The following LATS2 variants were observed in gnomAD, a reference collection of about 807,000 sequenced individuals.
The protein encoded by LATS2 is serine/threonine-protein kinase LATS2.
LATS2 carries 24 observed loss-of-function variants against 76.0 expected under a neutral mutation model. The ratio of observed to expected loss-of-function variants is 0.32; its 90% confidence interval spans 0.23 to 0.44. The LOEUF is 0.44. Ranked by LOEUF, LATS2 falls within the 20% of genes least tolerant of loss-of-function variation. The pLI, the probability that LATS2 is intolerant of heterozygous loss-of-function variation, is 1.00. For synonymous variants in LATS2, 692 were observed against 635.4 expected (o/e 1.09, Z -1.34); for missense variants, 1,286 against 1,481.2 (o/e 0.87, Z 2.16).
intron 2 of LATS2, among the ~76,000 whole-genome samples, chr13:21,009,601 C>A (rs2138338693): frequency 6.6e-6 from 1 of 152,278 alleles, no homozygotes; most frequent in African/African-American, 2.4e-5. Context: ...TTAGCCACAC[C>A]AAATCACTCT....
chr13:20,978,055 A>G (rs1045839298), intron 7 of LATS2, among the ~76,000 whole-genome samples: 2 of 151,978 alleles, frequency 1.3e-5, no homozygotes, highest in Non-Finnish European at 2.9e-5. Context: ...AGCTGAGACT[A>G]CAGGCGCCCG....
At chr13:20,996,388 T>C (rs1870751298) in intron 2 of LATS2, among the ~76,000 whole-genome samples, 1 of 151,680 alleles carries the variant, frequency 6.6e-6, no homozygotes, top group South Asian at 2.1e-4. Context: ...TTTTTTTTTT[T>C]TTTTTTTTGA....
In LATS2 at chr13:20,974,217, A is replaced by G. The variant is rs557813856; in HGVS notation, c.*653T>C. On this transcript the variant is annotated 3_prime_UTR_variant, in exon 8 of 8. Coordinates refer to ENST00000382592, the MANE Select transcript of LATS2 (RefSeq NM_014572.3). ...TATAATAGAAGAACTCTGCTCATGCAGTACTCTCCACACACCAGACGTCGG... is the reference window on the plus strand; with the variant it reads ...TATAATAGAAGAACTCTGCTCATGCGGTACTCTCCACACACCAGACGTCGG... 8.9e-6 allele frequency: 2 copies of G among 224,396 alleles called. No individual in the cohort carries two copies. The highest frequency in any genetic ancestry group is 2.2e-5 in the African/African-American group (1 of 44,848). 13.9% of individuals were successfully genotyped at this position (224,396 alleles called of 1,614,324 possible).
chr13:20,996,317 T>C (rs1454173476), intron 2 of LATS2, among the ~76,000 whole-genome samples: 1 of 152,092 alleles, frequency 6.6e-6, no homozygotes, highest in Non-Finnish European at 1.5e-5. Flanking sequence ...TGAGATTTCA[T>C]TCACATCTCA....
At chr13:21,034,534 GGAGT>G (rs1398245123) in intron 2 of LATS2, among the ~76,000 whole-genome samples, 1 of 152,154 alleles carries the variant, frequency 6.6e-6, no homozygotes, top group African/African-American at 2.4e-5. Flanking sequence ...ACGCCAAGAC[GGAGT>G]CACTTGCTAA....
At chr13:21,045,490 C>T (rs1433924994) in intron 2 of LATS2, among the ~76,000 whole-genome samples, 195 bp downstream of exon 2, 1 of 152,188 alleles carries the variant, frequency 6.6e-6, no homozygotes, top group Non-Finnish European at 1.5e-5. Flanking sequence ...CTCAAAAGAC[C>T]ATTTTAGAGA....
intron 2 of LATS2, among the ~76,000 whole-genome samples, chr13:20,996,888 A>G (rs142485410): frequency 4.6e-5 from 7 of 152,312 alleles, no homozygotes; most frequent in Non-Finnish European, 1.0e-4. Context: ...TAAATATTAA[A>G]TGAAAAATTA....
intron 2 of LATS2, among the ~76,000 whole-genome samples, chr13:21,040,412 GAAAT>G (rs796453925): frequency 1.7e-4 from 26 of 149,104 alleles, no homozygotes; most frequent in African/African-American, 6.7e-4. Flanking sequence ...GAAAAAGAAA[GAAAT>G]GTCTTTGCTG....
In LATS2 at chr13:20,973,638, A is replaced by T. The variant is rs1015422115; in HGVS notation, c.*1232T>A. 17 of 231,624 alleles carry T rather than the reference A, an allele frequency of 7.3e-5. No homozygotes were observed. The highest frequency in any genetic ancestry group is 1.5e-4 in the Non-Finnish European group (17 of 116,944). 14.3% of individuals were successfully genotyped at this position (231,624 alleles called of 1,614,324 possible). On this transcript the variant is annotated 3_prime_UTR_variant, in exon 8 of 8. Transcript: ENST00000382592. Reference sequence around the variant, plus strand: ...TTGCTTTTTTACAAAGGTTAGGAATATGTATTGTTTAAACCAAGTTAAGAT... The same window carrying T: ...TTGCTTTTTTACAAAGGTTAGGAATTTGTATTGTTTAAACCAAGTTAAGAT...
intron 7 of LATS2, among the ~76,000 whole-genome samples, chr13:20,979,290 G>A (rs1869765614): frequency 6.6e-6 from 1 of 152,112 alleles, no homozygotes; most frequent in African/African-American, 2.4e-5. Context: ...CAGGGGGTTT[G>A]GCACCCCAAA....
chr13:21,060,407 G>C (rs898271383), intron 1 of LATS2, among the ~76,000 whole-genome samples: 27 of 152,244 alleles, frequency 1.8e-4, no homozygotes, highest in Admixed American at 6.5e-5. Context: ...CACGGGAATG[G>C]CGTGTTATGC....
At chr13:21,001,939 A>C (rs1453979793) in intron 2 of LATS2, among the ~76,000 whole-genome samples, 1 of 149,776 alleles carries the variant, frequency 6.7e-6, no homozygotes, top group Non-Finnish European at 1.5e-5. Flanking sequence ...TTTGAGGCGG[A>C]GTCTCGCTCT....
chr13:20,984,839 G>A (rs550954522), intron 4 of LATS2, among the ~76,000 whole-genome samples: 1 of 152,080 alleles, frequency 6.6e-6, no homozygotes, highest in Non-Finnish European at 1.5e-5. Flanking sequence ...AAAATTCACA[G>A]GGAGCCCAAA....
At chr13:21,047,223 A>G (rs1013176367) in intron 1 of LATS2, among the ~76,000 whole-genome samples, 3 of 152,194 alleles carry the variant, frequency 2.0e-5, no homozygotes, top group Non-Finnish European at 2.9e-5. Flanking sequence ...CACTTGTCAC[A>G]AGGCTGGGTG....
intron 3 of LATS2, among the ~76,000 whole-genome samples, chr13:20,990,548 C>G (rs2770926): frequency 6.9e-6 from 1 of 145,200 alleles, no homozygotes; most frequent in African/African-American, 2.5e-5. Context: ...CCTCCATCCT[C>G]TGGCCTCAGC....
At chr13:20,989,330 G>C in intron 3 of LATS2, 26 bp from the exon 4 acceptor site, 2 of 1,612,198 alleles carry the variant, frequency 1.2e-6, no homozygotes, top group Non-Finnish European at 1.7e-6. Context: ...CAGGAAGACA[G>C]CATCAGAGTG....
At chr13:21,035,368 T>C (rs553366032) in intron 2 of LATS2, among the ~76,000 whole-genome samples, 1 of 152,300 alleles carries the variant, frequency 6.6e-6, no homozygotes, top group South Asian at 2.1e-4. Flanking sequence ...GTTTTTCCCC[T>C]ATTTACATCC....
At position 20,979,751 on chromosome 13, in the gene LATS2, G is replaced by A; in HGVS notation, c.2712C>T (p.Phe904=). ...CDWWSVGVIL[F]EMLVGQPPFL... The stretch of plus-strand genomic sequence containing the variant: ...AGGGCGGCTGCCCCACCAGCATCTC[G>A]AAGAGAATCACTCCAACACTCCACC... Residue 904 remains phenylalanine (F), a synonymous_variant, in exon 7 of 8, where the codon TTC becomes TTT. Transcript: ENST00000382592. 5.6e-6 allele frequency: 9 copies of A among 1,612,476 alleles called. No homozygotes were observed. The highest frequency in any genetic ancestry group is 2.2e-5 in the South Asian group (2 of 90,794).
At chr13:21,036,115 C>T (rs529755639) in intron 2 of LATS2, among the ~76,000 whole-genome samples, 13 of 152,220 alleles carry the variant, frequency 8.5e-5, no homozygotes, top group African/African-American at 2.6e-4. Context: ...AGAGTGGTCT[C>T]GAACACCCGA....
Sources: gnomAD v4.1 joint callset for allele counts (sites outside exome capture counted in the v4.1 genomes callset) on GRCh38, gnomAD v4.1.1 for gene constraint, MANE v1.5 for transcripts, NCBI Gene and HGNC (gene_info 2026-07-23, HGNC 2026-07-21) for gene names.